Variants in GPR158 observed in about 807,000 individuals in gnomAD.
GPR158 encodes the protein G protein-coupled receptor 158, also known as metabotropic glycine receptor.
A neutral mutation model predicts 78.2 loss-of-function variants in GPR158; 30 were observed. The ratio of observed to expected loss-of-function variants is 0.38; its 90% confidence interval spans 0.29 to 0.52. The LOEUF (loss-of-function observed/expected upper bound fraction) is 0.52, where lower values mean the gene tolerates loss of function less well. Ranked by LOEUF, GPR158 falls within the 20% of genes least tolerant of loss-of-function variation. The pLI is 0.83. For synonymous variants in GPR158, 581 were observed against 591.1 expected (o/e 0.98, Z 0.25); for missense variants, 1,463 against 1,523.5 (o/e 0.96, Z 0.66).
intron 5 of GPR158, among the ~76,000 whole-genome samples, chr10:25,474,331 G>C (rs941006460): frequency 1.3e-4 from 20 of 151,972 alleles, no homozygotes; most frequent in Non-Finnish European, 2.6e-4. Flanking sequence ...ATTTATAGTG[G>C]CTATAGGAAA....
Position 25,503,930 on chromosome 10 carries a change from A to T in GPR158, c.1404+37211A>T, listed in dbSNP as rs1835976858. Among the ~76,000 whole-genome samples the T allele has an allele frequency of 2.1e-5, 3 of 144,896 alleles. No homozygotes were observed. In the South Asian group the frequency reaches 6.5e-4, roughly 31 times the overall value. On this transcript the variant is annotated intron_variant, in intron 5 of 10. Coordinates refer to ENST00000376351, the MANE Select transcript of GPR158 (RefSeq NM_020752.3). ...TTTTGAGACAGAGCCTCGCTCTGTC[A>T]CCCCAGCTGGAGTGCGATGGGGTGA...
intron 4 of GPR158, 159 bp from the exon 5 acceptor site, chr10:25,466,492 T>C (rs1835425984): frequency 1.9e-6 from 1 of 526,562 alleles, no homozygotes; most frequent in Non-Finnish European, 3.4e-6. Context: ...TTGCATGTTC[T>C]AGTTTTTTAC....
chr10:25,539,934 A>G (rs1836553823), intron 5 of GPR158, among the ~76,000 whole-genome samples: 1 of 152,200 alleles, frequency 6.6e-6, no homozygotes, highest in African/African-American at 2.4e-5. Context: ...CTTGCCAAAT[A>G]TAGAAAAATA....
chr10:25,275,837 T>C (rs764157182), intron 2 of GPR158, among the ~76,000 whole-genome samples: 1 of 152,192 alleles, frequency 6.6e-6, no homozygotes, highest in Non-Finnish European at 1.5e-5. Flanking sequence ...TTCAAGATCA[T>C]ACTCCTAATT....
At chr10:25,261,740 T>A (rs16925515) in intron 2 of GPR158, among the ~76,000 whole-genome samples, 15,824 of 152,168 alleles carry the variant, frequency 0.1, 1,007 homozygotes, top group East Asian at 0.3. Flanking sequence ...TGTAAAATGA[T>A]CTACGCTTTT....
chr10:25,223,185 T>C (rs1853323962), intron 2 of GPR158, among the ~76,000 whole-genome samples: 1 of 152,058 alleles, frequency 6.6e-6, no homozygotes, highest in Admixed American at 6.6e-5. Context: ...CTGAAAAAAG[T>C]GGAAAAAATA....
chr10:25,573,007 T>C (rs1050791376), intron 7 of GPR158, 120 bp downstream of exon 7: 2 of 682,610 alleles, frequency 2.9e-6, no homozygotes, highest in Middle Eastern at 2.5e-4. Context: ...CCTAATGTGA[T>C]TCTGGTAAGA....
intron 1 of GPR158, among the ~76,000 whole-genome samples, chr10:25,203,525 G>T (rs919572301): frequency 9.3e-5 from 14 of 151,340 alleles, no homozygotes; most frequent in South Asian, 8.4e-4. Flanking sequence ...TTTCCCCATT[G>T]CTTGTTTTTG....
At chr10:25,508,954 A>C (rs1045442701) in intron 5 of GPR158, among the ~76,000 whole-genome samples, 1 of 152,122 alleles carries the variant, frequency 6.6e-6, no homozygotes, top group South Asian at 2.1e-4. Context: ...CCTGTTAAGA[A>C]TTTCCTTCAC....
intron 5 of GPR158, among the ~76,000 whole-genome samples, chr10:25,506,688 TA>T (rs1278454806): frequency 6.6e-6 from 1 of 152,212 alleles, no homozygotes; most frequent in Non-Finnish European, 1.5e-5. Context: ...GATAGCATGA[TA>T]CAAAAATACA....
chr10:25,417,184 T>C (rs1351692096), intron 4 of GPR158, among the ~76,000 whole-genome samples: 2 of 152,324 alleles, frequency 1.3e-5, no homozygotes, highest in East Asian at 3.9e-4. Flanking sequence ...TGAGCATTCT[T>C]ACATGGAATA....
Position 25,396,246 on chromosome 10 carries a change from AG to A in GPR158, c.1111+234del, listed in dbSNP as rs781134004. 3.5e-4 allele frequency among the ~76,000 whole-genome samples: 53 copies of A among 152,338 alleles called. 3 individuals carry two copies. The South Asian group carries it at 0.011, about 30-fold the overall frequency. On this transcript the variant is annotated intron_variant, in intron 3 of 10. Coordinates refer to ENST00000376351, the MANE Select transcript of GPR158 (RefSeq NM_020752.3). ...ATATTAGTTTTTAATACATTTTAAA[AG>A]TCTGAAAATATTGTAGCTATCTGGT...
At chr10:25,334,251 G>A (rs544608217) in intron 2 of GPR158, among the ~76,000 whole-genome samples, 29 of 151,956 alleles carry the variant, frequency 1.9e-4, no homozygotes, top group Non-Finnish European at 2.8e-4. Flanking sequence ...CAAAAGTTAG[G>A]CATTAAACTA....
At chr10:25,199,538 C>T (rs1317168307) in intron 1 of GPR158, among the ~76,000 whole-genome samples, 6 of 152,116 alleles carry the variant, frequency 3.9e-5, no homozygotes, top group Admixed American at 3.3e-4. Flanking sequence ...CAAATCTCAT[C>T]TTGAATTGTA....
intron 2 of GPR158, among the ~76,000 whole-genome samples, chr10:25,317,613 T>G (rs2130472883): frequency 6.6e-6 from 1 of 152,294 alleles, no homozygotes; most frequent in East Asian, 1.9e-4. Context: ...TTGAGAATAT[T>G]TAATTCAGTT....
intron 2 of GPR158, among the ~76,000 whole-genome samples, chr10:25,320,523 A>G (rs1042890978): frequency 7.9e-5 from 12 of 152,218 alleles, no homozygotes; most frequent in African/African-American, 2.7e-4. Context: ...CCAGTGGTAT[A>G]ATAGTTTTGG....
intron 2 of GPR158, among the ~76,000 whole-genome samples, chr10:25,341,297 C>T (rs890442212): frequency 5.3e-5 from 8 of 151,892 alleles, no homozygotes; most frequent in African/African-American, 1.9e-4. Flanking sequence ...TGTAAATGAA[C>T]ACTGTACAAC....
At chr10:25,205,074 C>T (rs1458207398) in intron 1 of GPR158, among the ~76,000 whole-genome samples, 1 of 152,118 alleles carries the variant, frequency 6.6e-6, no homozygotes, top group Non-Finnish European at 1.5e-5. Context: ...CATTCTCTCT[C>T]TTGCCTGCCA....
chr10:25,175,738 G>C lies in GPR158; in HGVS notation c.318G>C (p.Ala106=). 1 of 1,611,354 alleles carries C rather than the reference G, an allele frequency of 6.2e-7. No homozygotes were observed. Among genetic ancestry groups the C allele is most frequent in the South Asian group, 1.1e-5 (1 of 91,064 alleles). Residue 106 remains alanine, a synonymous_variant, in exon 1 of 11, where the codon GCG becomes GCC. Coordinates refer to ENST00000376351, the MANE Select transcript of GPR158 (RefSeq NM_020752.3). This position sits in a 1 kb window ranked among gnomAD's most constrained non-coding sequence, Gnocchi z 6.4. ...ACTGCTCCGGCCGCTACGAGTTGGC[G>C]GGCCTGCCGGGGAAGTGGCCAGCCC... The part of the protein sequence containing the change: ...RANCSGRYEL[A]GLPGKWPALA...
Sources: allele counts gnomAD v4.1 joint callset (sites outside exome capture counted in the v4.1 genomes callset), GRCh38; gene constraint gnomAD v4.1.1; non-coding constraint Gnocchi (gnomAD v3.1); transcripts MANE v1.5; gene names NCBI Gene and HGNC (gene_info 2026-07-23, HGNC 2026-07-21).